Variants in CPZ observed in about 807,000 individuals in gnomAD.
CPZ encodes carboxypeptidase Z.
Under a neutral mutation model 61.8 loss-of-function variants are expected in CPZ, and 103 were observed. The ratio of observed to expected loss-of-function variants is 1.67; its 90% CI spans 1.42 to 1.96. The LOEUF is 1.96. CPZ is among the 30% of genes most tolerant of loss of function. The pLI is 0.00. For synonymous variants in CPZ, 551 were observed against 373.7 expected (o/e 1.47, Z -5.47); for missense variants, 1,461 against 914.9 (o/e 1.60, Z -7.70).
At chr4:8,618,580 C>A (rs1455782220) in intron 10 of CPZ, 52 bp downstream of exon 10, 5 of 1,557,198 alleles carry the variant, frequency 3.2e-6, no homozygotes, top group Non-Finnish European at 4.4e-6. Context: ...AAGGAAATGC[C>A]ACACCGTGGC....
At chr4:8,616,435 T>A (rs1716169532) in intron 9 of CPZ, among the ~76,000 whole-genome samples, 1 of 152,054 alleles carries the variant, frequency 6.6e-6, no homozygotes, top group African/African-American at 2.4e-5. Flanking sequence ...GAGACCCTCC[T>A]GGGAGAGCCC....
Position 8,607,379 on chromosome 4 carries a change from A to G in CPZ, c.1181A>G (p.Lys394Arg), listed in dbSNP as rs1310014300. 1.9e-6 allele frequency: 3 copies of G among 1,613,942 alleles called. No homozygotes were observed. The highest frequency in any genetic ancestry group is 2.5e-6 in the Non-Finnish European group (3 of 1,179,974). Reference protein sequence around the residue: ...LVVSYPFDFSKHPQEEKMFSP... With the variant: ...LVVSYPFDFSRHPQEEKMFSP... ...GTGTCCTACCCCTTCGACTTCTCCA[A>G]GCACCCCCAGGAGGAGAAGATGTTT... The change falls in exon 7 of 11, where the codon AAG becomes AGG. Residue 394 changes from lysine to arginine, a missense_variant. Physicochemically the swap from Lys to Arg is conservative, Grantham distance 26. Transcript: ENST00000360986.
chr4:8,611,864 T>C (rs539773358), intron 7 of CPZ, among the ~76,000 whole-genome samples, 163 bp from the exon 8 acceptor site: 1 of 151,988 alleles, frequency 6.6e-6, no homozygotes, highest in Non-Finnish European at 1.5e-5. Flanking sequence ...ATACACTGTG[T>C]CCTCTGCAGG....
chr4:8,615,048 G>C (rs968398344), intron 9 of CPZ, among the ~76,000 whole-genome samples: 1 of 152,108 alleles, frequency 6.6e-6, no homozygotes, highest in Non-Finnish European at 1.5e-5. Flanking sequence ...GCTCTGGGCA[G>C]TGGGGTAGCT....
intron 9 of CPZ, among the ~76,000 whole-genome samples, chr4:8,616,292 C>G (rs1002209991): frequency 6.6e-6 from 1 of 152,066 alleles, no homozygotes; most frequent in African/African-American, 2.4e-5. Flanking sequence ...AGGGGAGGGG[C>G]GGCGTGGCAG....
chr4:8,599,476 GC>G lies in CPZ; in HGVS notation c.113del (p.Ala38GlufsTer45), dbSNP rs1714413943. ...PAGECHRPPA[A>X]DSATCVDLQL... ...AGGTGAATGCCACAGGCCACCAGCT[GC>G]AGACAGCGGTACAGTACCGGGACCT... is the stretch of plus-strand genomic sequence containing the variant. On this transcript the variant is annotated frameshift_variant, in exon 2 of 11. Transcript: ENST00000360986. LOFTEE classifies it high-confidence loss of function. The G allele has an allele frequency of 6.2e-7, 1 of 1,612,708 alleles. No homozygotes were observed. Among genetic ancestry groups the G allele is most frequent in the Admixed American group, 1.7e-5 (1 of 59,912 alleles).
At chr4:8,605,665 T>G (rs967480072) in intron 4 of CPZ, among the ~76,000 whole-genome samples, 2 of 128,116 alleles carry the variant, frequency 1.6e-5, no homozygotes, top group African/African-American at 7.2e-5. Context: ...GCCAACCACC[T>G]TCCCAGCTAA....
At chr4:8,616,310 T>C (rs535479730) in intron 9 of CPZ, among the ~76,000 whole-genome samples, 2 of 151,912 alleles carry the variant, frequency 1.3e-5, no homozygotes, top group African/African-American at 2.4e-5. Flanking sequence ...CAGCTCTCTT[T>C]CCCCACCAGA....
chr4:8,617,626 C>A (rs1007144663), intron 9 of CPZ, among the ~76,000 whole-genome samples: 6 of 152,154 alleles, frequency 3.9e-5, no homozygotes, highest in African/African-American at 1.4e-4. Flanking sequence ...GGCTGGGAGC[C>A]CTTTCCCTTG....
At chr4:8,606,716 G>A (rs1052325947) in intron 5 of CPZ, 21 bp from the exon 6 acceptor site, 19 of 1,613,874 alleles carry the variant, frequency 1.2e-5, no homozygotes, top group Admixed American at 3.3e-5. Context: ...CCACCCAGTC[G>A]GGGGTTGGCC....
intron 9 of CPZ, among the ~76,000 whole-genome samples, chr4:8,617,079 C>T (rs764007289): frequency 6.6e-6 from 1 of 152,244 alleles, no homozygotes; most frequent in Non-Finnish European, 1.5e-5. Context: ...CCACTGACAG[C>T]TGGGCGTGAG....
chr4:8,606,609 C>G, intron 5 of CPZ, 128 bp from the exon 6 acceptor site: 1 of 1,188,494 alleles, frequency 8.4e-7, no homozygotes, highest in East Asian at 2.3e-5. Flanking sequence ...TGCCCCCGAG[C>G]TCATCACATA....
chr4:8,607,554 C>T, intron 7 of CPZ, 129 bp downstream of exon 7: 2 of 1,050,456 alleles, frequency 1.9e-6, no homozygotes, highest in Non-Finnish European at 2.7e-6. Context: ...AGCGGGTCAG[C>T]ACCACCTGCT....
At chr4:8,606,953 G>A in intron 6 of CPZ, 55 bp downstream of exon 6, 2 of 1,527,086 alleles carry the variant, frequency 1.3e-6, no homozygotes, top group Non-Finnish European at 1.8e-6. Flanking sequence ...GGGGTCCCTA[G>A]TTATTCCAGG....
At chr4:8,594,004 A>T (rs1041875262) in intron 1 of CPZ, among the ~76,000 whole-genome samples, 1 of 151,928 alleles carries the variant, frequency 6.6e-6, no homozygotes, top group African/African-American at 2.4e-5. Context: ...CTTGTTGGAG[A>T]CCACAGCCCC....
At position 8,606,147 on chromosome 4, in the gene CPZ, T is replaced by G; in HGVS notation, c.868T>G (p.Ser290Ala). The G allele has an allele frequency of 6.2e-7, 1 of 1,614,120 alleles. No homozygotes were observed. ...LNTTRIHLLP[S>A]MNPDGYEVAA... ...CACCACCCGCATCCACCTGCTGCCC[T>G]CCATGAACCCTGACGGCTATGAGGT... Residue 290 changes from serine (S) to alanine (A), a missense_variant, in exon 5 of 11, where the codon TCC becomes GCC. Transcript: ENST00000360986.
At position 8,606,851 on chromosome 4, in the gene CPZ, G is replaced by C; in HGVS notation, c.1021G>C (p.Ala341Pro). The C allele has an allele frequency of 4.3e-6, 7 of 1,613,378 alleles. No individual in the cohort carries two copies. The highest frequency in any genetic ancestry group is 5.9e-6 in the Non-Finnish European group (7 of 1,179,854). Residue 341 changes from alanine (A) to proline (P), a missense_variant, in exon 6 of 11, where the codon GCA becomes CCA. Coordinates refer to ENST00000360986, the MANE Select transcript of CPZ (RefSeq NM_001014447.3). ...CTACCGGCTGGCGGAGACCCGCGGCGCACGCAGCGACCACATCCCCATCCC... is the reference window on the plus strand; with the variant it reads ...CTACCGGCTGGCGGAGACCCGCGGCCCACGCAGCGACCACATCCCCATCCC... The part of the protein sequence containing the change: ...EYYRLAETRG[A>P]RSDHIPIPQH...
rs367793168 is a variant in CPZ, at chr4:8,592,917, C to T, written c.84C>T (p.Pro28=). The T allele has an allele frequency of 4.6e-6, 7 of 1,535,814 alleles. No homozygotes were observed. The East Asian group carries it at 7.5e-5, about 16-fold the overall frequency. The change falls in exon 1 of 11, where the codon CCC becomes CCT. Residue 28 remains proline, a synonymous_variant. Transcript: ENST00000360986. ...CGGGGTGCGAGTTTGAGCGGAACCCCGCCGGTAAGGCCGTCCCCTGCCCCC... is the reference window on the plus strand; with the variant it reads ...CGGGGTGCGAGTTTGAGCGGAACCCTGCCGGTAAGGCCGTCCCCTGCCCCC... ...ARPGCEFERN[P]AGECHRPPAA...
chr4:8,610,690 A>G (rs75573750), intron 7 of CPZ, among the ~76,000 whole-genome samples: 1 of 152,178 alleles, frequency 6.6e-6, no homozygotes, highest in Non-Finnish European at 1.5e-5. Context: ...GCTTCCTGCT[A>G]TGAGGCAGGG....
Sources: gnomAD v4.1 joint callset for allele counts (sites outside exome capture counted in the v4.1 genomes callset) on GRCh38, gnomAD v4.1.1 for gene constraint, MANE v1.5 for transcripts, NCBI Gene and HGNC (gene_info 2026-07-23, HGNC 2026-07-21) for gene names.